KIF26B: variants seen among roughly 807,000 people sequenced by gnomAD.
KIF26B encodes the protein kinesin-like protein KIF26B.
Under a neutral mutation model 151.2 loss-of-function variants are expected in KIF26B, and 63 were observed. The ratio of observed to expected loss-of-function variants is 0.42; its 90% CI spans 0.34 to 0.51. KIF26B has a LOEUF of 0.51. Ranked by LOEUF, KIF26B falls within the 20% of genes least tolerant of loss-of-function variation. The pLI is 0.07. For synonymous variants in KIF26B, 1,357 were observed against 1,262.1 expected (o/e 1.08, Z -1.59); for missense variants, 2,813 against 2,913.6 (o/e 0.97, Z 0.79).
intron 4 of KIF26B, among the ~76,000 whole-genome samples, chr1:245,503,425 T>G (rs1320219623): frequency 6.6e-6 from 1 of 152,198 alleles, no homozygotes; most frequent in Non-Finnish European, 1.5e-5. Context: ...AATTCACCAT[T>G]TACATTCTTG....
intron 2 of KIF26B, among the ~76,000 whole-genome samples, chr1:245,262,518 A>G (rs989631992): frequency 1.3e-5 from 2 of 151,558 alleles, no homozygotes; most frequent in Admixed American, 6.6e-5. Context: ...CAATGGCGCG[A>G]TCTTGGCTCA....
chr1:245,329,018 G>T (rs1672048222), intron 2 of KIF26B, among the ~76,000 whole-genome samples: 1 of 152,184 alleles, frequency 6.6e-6, no homozygotes, highest in South Asian at 2.1e-4. Flanking sequence ...TGTGCAAAAG[G>T]CATGAAATTG....
At chr1:245,234,172 A>G (rs1670056616) in intron 2 of KIF26B, among the ~76,000 whole-genome samples, 1 of 151,890 alleles carries the variant, frequency 6.6e-6, no homozygotes, top group Non-Finnish European at 1.5e-5. Flanking sequence ...CTTTAGAACG[A>G]GACTCCCTCT....
chr1:245,615,046 C>G (rs207461388), intron 9 of KIF26B: 1 of 152,132 alleles, frequency 6.6e-6, no homozygotes, highest in African/African-American at 2.4e-5. Context: ...ACAATTGCAT[C>G]CACATTTCTC....
Position 245,155,297 on chromosome 1 carries a change from C to A in KIF26B, c.-128C>A, listed in dbSNP as rs530013356. 30 of 732,526 alleles carry A rather than the reference C, an allele frequency of 4.1e-5. No homozygotes were observed. The highest frequency in any genetic ancestry group is 2.2e-4 in the South Asian group (13 of 59,870). The allele number at this position is 732,526 out of a possible 1,614,324, so 45.4% of individuals were successfully genotyped here. ...TTGCTTTCATTCCCTCCCACCCCAC[C>A]GCTGAAGAAACCTTGCCCTGAGGGC... On this transcript the variant is annotated 5_prime_UTR_variant, in exon 1 of 15. Coordinates refer to ENST00000407071, the MANE Select transcript of KIF26B (RefSeq NM_018012.4).
At chr1:245,224,949 T>G (rs1558352052) in intron 2 of KIF26B, among the ~76,000 whole-genome samples, 1 of 152,224 alleles carries the variant, frequency 6.6e-6, no homozygotes, top group Non-Finnish European at 1.5e-5. Flanking sequence ...AAAAGGCTAT[T>G]AAAATAGTTC....
At chr1:245,273,416 C>CAAAAAAAAAAAAAAAAAAAAAAAAAAAAA (rs36085161) in intron 2 of KIF26B, among the ~76,000 whole-genome samples, 1 of 127,052 alleles carries the variant, frequency 7.9e-6, no homozygotes. Flanking sequence ...AGACTTATCT[C>CAAAAAAAAAAAAAAAAAAAAAAAAAAAAA]AAAAAAAAAA....
At chr1:245,630,784 C>T (rs2103171672) in intron 9 of KIF26B, among the ~76,000 whole-genome samples, 1 of 152,212 alleles carries the variant, frequency 6.6e-6, no homozygotes, top group Middle Eastern at 3.4e-3. Context: ...TCTTCTGATC[C>T]ATGAGCATGG....
chr1:245,405,091 C>T (rs1483094072), intron 3 of KIF26B, among the ~76,000 whole-genome samples: 1 of 152,120 alleles, frequency 6.6e-6, no homozygotes, highest in African/African-American at 2.4e-5. Context: ...TTTAGAAAAC[C>T]ATCAGATGCA....
intron 9 of KIF26B, among the ~76,000 whole-genome samples, chr1:245,616,138 CAT>C (rs1446427071): frequency 6.6e-6 from 1 of 152,192 alleles, no homozygotes; most frequent in Admixed American, 6.5e-5. Flanking sequence ...GCATTTTACA[CAT>C]ATAAGTAGAC....
chr1:245,335,540 TGCAGGGAAAGAAGAGTCCCAC>T (rs1216054696), intron 2 of KIF26B, among the ~76,000 whole-genome samples: 2 of 151,996 alleles, frequency 1.3e-5, no homozygotes, highest in East Asian at 3.9e-4. Context: ...CATCAACGCC[TGCAGGGAAAGAAGAGTCCCAC>T]GCAGGGAAAG....
Position 245,640,160 on chromosome 1 carries a change from T to TATATACATATATATATATATATAC in KIF26B, c.2099-5960_2099-5959insTATACATATATATATATATATACA, listed in dbSNP as rs796722836. On this transcript the variant is annotated intron_variant, in intron 9 of 14. Coordinates refer to ENST00000407071, the MANE Select transcript of KIF26B (RefSeq NM_018012.4). ...CTCTCTCTCTATATATATATATATA[T>TATATACATATATATATATATATAC]ACCCTGCTATTTGGTTATATATATT... is the stretch of plus-strand genomic sequence containing the variant. Among the ~76,000 whole-genome samples the TATATACATATATATATATATATAC allele has an allele frequency of 2.4e-4, 13 of 54,840 alleles. 1 individual carries two copies. Among genetic ancestry groups the TATATACATATATATATATATATAC allele is most frequent in the Non-Finnish European group, 4.8e-4 (13 of 27,222 alleles). The allele number at this position is 54,840 out of a possible 152,430, so 36.0% of individuals were successfully genotyped here. A position where few individuals can be genotyped will look rare whatever the true frequency, so the allele number is the denominator to read the frequency against.
chr1:245,382,854 C>T (rs1230107297), intron 3 of KIF26B, among the ~76,000 whole-genome samples: 1 of 151,770 alleles, frequency 6.6e-6, no homozygotes, highest in Admixed American at 6.6e-5. Flanking sequence ...AGGTGTGAGC[C>T]ACCACTCCTG....
At chr1:245,267,463 A>G (rs949460823) in intron 2 of KIF26B, among the ~76,000 whole-genome samples, 1 of 152,196 alleles carries the variant, frequency 6.6e-6, no homozygotes, top group African/African-American at 2.4e-5. Context: ...TCAGTGCAGC[A>G]GTCTCAGAGG....
chr1:245,646,995 G>A (rs973725242), intron 10 of KIF26B, among the ~76,000 whole-genome samples: 4 of 152,214 alleles, frequency 2.6e-5, no homozygotes, highest in African/African-American at 9.7e-5. Flanking sequence ...GCCATTGACT[G>A]GCTGTCCAGG....
intron 4 of KIF26B, among the ~76,000 whole-genome samples, chr1:245,489,046 G>A (rs141063204): frequency 3.9e-5 from 6 of 152,318 alleles, no homozygotes; most frequent in African/African-American, 1.2e-4. Context: ...ACAGGAAAGC[G>A]AATTCTCATC....
intron 2 of KIF26B, among the ~76,000 whole-genome samples, chr1:245,271,858 C>G (rs1398976952): frequency 6.6e-6 from 1 of 152,108 alleles, no homozygotes; most frequent in Non-Finnish European, 1.5e-5. Context: ...CACTATAATG[C>G]TAGCCTCAAA....
chr1:245,331,099 G>A (rs956882158), intron 2 of KIF26B, among the ~76,000 whole-genome samples: 1 of 152,014 alleles, frequency 6.6e-6, no homozygotes, highest in South Asian at 2.1e-4. Flanking sequence ...GGCAGGGGGC[G>A]GTGGGAGTCT....
rs140624735 is a variant in KIF26B, at chr1:245,597,234, T to C, written c.1351-5343T>C. 2.9e-3 allele frequency among the ~76,000 whole-genome samples: 449 copies of C among 152,360 alleles called. 4 individuals are homozygous for C. Among genetic ancestry groups the C allele is most frequent in the African/African-American group, 0.01 (432 of 41,582 alleles). Reference sequence around the variant, plus strand: ...GTTTTTTCATAGCATGAATGGTCTTTACAATTTGGTATCTTTGTGCAGTGG... The same window carrying C: ...GTTTTTTCATAGCATGAATGGTCTTCACAATTTGGTATCTTTGTGCAGTGG... On this transcript the variant is annotated intron_variant, in intron 5 of 14. Coordinates refer to ENST00000407071, the MANE Select transcript of KIF26B (RefSeq NM_018012.4). The surrounding 1 kb of genome is among the most constrained non-coding windows in gnomAD (Gnocchi z 4.6).
Sources: allele counts gnomAD v4.1 joint callset (sites outside exome capture counted in the v4.1 genomes callset), GRCh38; gene constraint gnomAD v4.1.1; non-coding constraint Gnocchi (gnomAD v3.1); transcripts MANE v1.5; gene names NCBI Gene and HGNC (gene_info 2026-07-23, HGNC 2026-07-21).